KLHL32: variants seen among roughly 807,000 people sequenced by gnomAD.
KLHL32 encodes the protein kelch-like protein 32.
In KLHL32, 35 loss-of-function variants were observed where a neutral mutation model predicts 64.8. The ratio of observed to expected loss-of-function variants is 0.54; its 90% confidence interval spans 0.41 to 0.72. KLHL32 has a LOEUF of 0.72. Ranked by LOEUF, KLHL32 falls within the 30% of genes least tolerant of loss-of-function variation. KLHL32 has a pLI of 0.00. For missense variants in KLHL32, 589 were observed against 768.5 expected, an observed-to-expected ratio of 0.77 and a Z score of 2.76; for synonymous variants, 259 against 281.0, an observed-to-expected ratio of 0.92 and a Z score of 0.78.
chr6:97,117,362 A>G (rs1329585236), intron 7 of KLHL32, among the ~76,000 whole-genome samples: 3 of 152,198 alleles, frequency 2.0e-5, no homozygotes, highest in African/African-American at 4.8e-5. Flanking sequence ...AGTATGGATT[A>G]TAGAAGGTGG....
chr6:97,055,880 C>T (rs1230245650), intron 4 of KLHL32, among the ~76,000 whole-genome samples: 1 of 148,808 alleles, frequency 6.7e-6, no homozygotes, highest in East Asian at 2.0e-4. Flanking sequence ...ACTCTTCTCA[C>T]AGCAGAGCTT....
intron 5 of KLHL32, among the ~76,000 whole-genome samples, chr6:97,076,690 G>T (rs778743724): frequency 2.0e-4 from 31 of 152,208 alleles, no homozygotes; most frequent in South Asian, 8.3e-4. Flanking sequence ...GACTAAGATG[G>T]CAATGCACCT....
At chr6:96,924,029 C>A (rs572148618), upstream of KLHL32, among the ~76,000 whole-genome samples, 23 of 152,186 alleles carry the variant, frequency 1.5e-4, no homozygotes, top group South Asian at 3.1e-3. Flanking sequence ...TTAGTAGTAA[C>A]CACAGTAATC....
the KLHL32 span, among the ~76,000 whole-genome samples, chr6:96,902,359 G>A: frequency 6.6e-6 from 1 of 152,078 alleles, no homozygotes; most frequent in Non-Finnish European, 1.5e-5. Flanking sequence ...CAGTGATATT[G>A]AGCTTTTTTT....
rs1190654747 is a variant in KLHL32, at chr6:97,056,345, TC to T, written c.313-8281del. On this transcript the variant is annotated intron_variant, in intron 4 of 10. Transcript: ENST00000369261. ...TGGTCTTGATCTCCTGACCTCGTGA[TC>T]CTCCCGCCTTGGCCTCCCAAAGTGC... Among the ~76,000 whole-genome samples, 4 of 152,094 alleles carry T rather than the reference TC, an allele frequency of 2.6e-5. No individual in the cohort carries two copies. The East Asian group carries it at 7.7e-4, about 29-fold the overall frequency.
At chr6:96,982,547 T>C (rs1582572445) in intron 3 of KLHL32, among the ~76,000 whole-genome samples, 1 of 152,210 alleles carries the variant, frequency 6.6e-6, no homozygotes. Flanking sequence ...TTCATTTGCA[T>C]TGGAGGTTAA....
upstream of KLHL32, among the ~76,000 whole-genome samples, chr6:96,923,275 GT>G (rs1438007086): frequency 6.6e-6 from 1 of 152,130 alleles, no homozygotes; most frequent in Non-Finnish European, 1.5e-5. Flanking sequence ...TTAAAGGACT[GT>G]TTTATTTATT....
the KLHL32 span, among the ~76,000 whole-genome samples, chr6:96,917,335 C>T: frequency 6.6e-6 from 1 of 152,166 alleles, no homozygotes; most frequent in East Asian, 1.9e-4. Flanking sequence ...TCCTCACTGT[C>T]ACAAAATGGT....
chr6:97,004,466 A>T (rs1309248098), intron 3 of KLHL32, among the ~76,000 whole-genome samples: 1 of 152,092 alleles, frequency 6.6e-6, no homozygotes, highest in Non-Finnish European at 1.5e-5. Flanking sequence ...GATGCCTTTC[A>T]TTTCTTTCTA....
chr6:97,010,402 C>G (rs1780248821), intron 3 of KLHL32: 1 of 152,078 alleles, frequency 6.6e-6, no homozygotes, highest in South Asian at 2.1e-4. Context: ...AATACCCAGC[C>G]CTGGACTTTG....
intron 1 of KLHL32, among the ~76,000 whole-genome samples, chr6:96,939,996 G>T (rs573319073): frequency 6.6e-6 from 1 of 152,100 alleles, no homozygotes; most frequent in Admixed American, 6.5e-5. Flanking sequence ...TGAATATTGA[G>T]GGTGAGGGAA....
chr6:97,018,289 G>C (rs1365240154), intron 3 of KLHL32, among the ~76,000 whole-genome samples: 2 of 152,020 alleles, frequency 1.3e-5, no homozygotes, highest in Non-Finnish European at 2.9e-5. Context: ...CTGATCAAAG[G>C]CATCTGTTGA....
chr6:96,991,797 G>C (rs947191827), intron 3 of KLHL32, among the ~76,000 whole-genome samples: 1 of 152,094 alleles, frequency 6.6e-6, no homozygotes, highest in African/African-American at 2.4e-5. Flanking sequence ...CTACCGCGGA[G>C]AGCCCTAGCA....
At chr6:96,901,677 A>G in the KLHL32 span, among the ~76,000 whole-genome samples, 2 of 152,104 alleles carry the variant, frequency 1.3e-5, no homozygotes, top group Admixed American at 6.5e-5. Flanking sequence ...TCATCCCATC[A>G]CCCAGGTATT....
chr6:97,081,924 T>C (rs917645643), intron 5 of KLHL32, among the ~76,000 whole-genome samples: 31 of 152,178 alleles, frequency 2.0e-4, no homozygotes, highest in African/African-American at 7.2e-4. Flanking sequence ...GTGGATAGGG[T>C]TGCTGCACCT....
At chr6:97,111,258 A>T (rs1294420370) in intron 6 of KLHL32, among the ~76,000 whole-genome samples, 1 of 152,246 alleles carries the variant, frequency 6.6e-6, no homozygotes. Context: ...CCCCTGCAAG[A>T]GGCATAGCTC....
At chr6:97,033,082 A>G (rs1783795193) in intron 3 of KLHL32, among the ~76,000 whole-genome samples, 1 of 152,182 alleles carries the variant, frequency 6.6e-6, no homozygotes, top group South Asian at 2.1e-4. Context: ...AAATTTTACT[A>G]AGAGCTTGCC....
intron 1 of KLHL32, among the ~76,000 whole-genome samples, chr6:96,949,983 G>A (rs1180866625): frequency 6.6e-6 from 1 of 151,916 alleles, no homozygotes; most frequent in African/African-American, 2.4e-5. Context: ...TTATCTTGCT[G>A]TTCAGTTACT....
intron 3 of KLHL32, among the ~76,000 whole-genome samples, chr6:96,986,948 T>C (rs13201422): frequency 0.32 from 48,276 of 151,576 alleles, 8,344 homozygotes; most frequent in African/African-American, 0.48. Context: ...AGAAATCACC[T>C]GTCTTCTGCA....
Sources: allele counts gnomAD v4.1 joint callset (sites outside exome capture counted in the v4.1 genomes callset), GRCh38; gene constraint gnomAD v4.1.1; transcripts MANE v1.5; gene names NCBI Gene and HGNC (gene_info 2026-07-23, HGNC 2026-07-21).